Variants in GCNT1 observed in about 807,000 individuals in gnomAD.
The protein encoded by GCNT1 is beta-1,3-galactosyl-O-glycosyl-glycoprotein beta-1,6-N-acetylglucosaminyltransferase.
GCNT1 carries 16 observed loss-of-function variants against 26.2 expected under a neutral mutation model. The observed-to-expected ratio is 0.61, with a 90% CI of 0.41 to 0.93. The LOEUF is 0.93. Ranked by LOEUF, GCNT1 falls within the 40% of genes least tolerant of loss-of-function variation. The probability of loss-of-function intolerance (pLI) is 0.00; values close to 1 mark genes in which losing one functional copy is unlikely to be tolerated. For missense variants in GCNT1, 477 were observed against 526.7 expected (o/e 0.91, Z 0.92); for synonymous variants, 183 against 190.8 (o/e 0.96, Z 0.34).
intron 2 of GCNT1, among the ~76,000 whole-genome samples, chr9:76,467,443 T>C (rs1824026291): frequency 6.6e-6 from 1 of 152,000 alleles, no homozygotes; most frequent in Non-Finnish European, 1.5e-5. Context: ...TCATGTTCCA[T>C]GTCATGGTTC....
At chr9:76,494,241 C>A (rs1027524326) in intron 2 of GCNT1, among the ~76,000 whole-genome samples, 2 of 152,152 alleles carry the variant, frequency 1.3e-5, no homozygotes, top group African/African-American at 2.4e-5. Flanking sequence ...TGCACCCTTG[C>A]GTATTCTCCT....
intron 1 of GCNT1, among the ~76,000 whole-genome samples, chr9:76,443,804 C>A (rs2131582870): frequency 6.6e-6 from 1 of 152,044 alleles, no homozygotes; most frequent in South Asian, 2.1e-4. Flanking sequence ...TCGCTTGAAC[C>A]TGGGAGGCGG....
chr9:76,477,542 C>G (rs1824282548), intron 2 of GCNT1, among the ~76,000 whole-genome samples: 1 of 151,356 alleles, frequency 6.6e-6, no homozygotes, highest in Non-Finnish European at 1.5e-5. Flanking sequence ...AAAAAAGCCT[C>G]TTCCATGTAA....
intron 1 of GCNT1, among the ~76,000 whole-genome samples, chr9:76,433,430 T>G (rs1485708196): frequency 6.6e-6 from 1 of 152,152 alleles, no homozygotes; most frequent in African/African-American, 2.4e-5. Flanking sequence ...GGTTTTGCTG[T>G]TTGTGTGCCA....
intron 1 of GCNT1, among the ~76,000 whole-genome samples, chr9:76,421,481 G>A (rs1823190645): frequency 6.6e-6 from 1 of 151,086 alleles, no homozygotes; most frequent in Admixed American, 6.6e-5. Flanking sequence ...GTGTGTGCCT[G>A]TAGTCCCAGC....
intron 1 of GCNT1, among the ~76,000 whole-genome samples, chr9:76,425,038 C>A (rs914547303): frequency 3.4e-5 from 5 of 148,190 alleles, no homozygotes; most frequent in Non-Finnish European, 7.4e-5. Flanking sequence ...ACTTGGGAGA[C>A]TGAGGCAGGA....
chr9:76,438,480 G>T (rs1257592240), upstream of GCNT1, among the ~76,000 whole-genome samples: 1 of 152,158 alleles, frequency 6.6e-6, no homozygotes, highest in Admixed American at 6.5e-5. Context: ...CAGACTTAAG[G>T]TCTGTGTTGA....
At chr9:76,456,611 C>T (rs73650223), upstream of GCNT1, among the ~76,000 whole-genome samples, 27 of 152,308 alleles carry the variant, frequency 1.8e-4, no homozygotes, top group African/African-American at 6.3e-4. Flanking sequence ...CTGATACACC[C>T]CTAAGCATTC....
chr9:76,451,467 G>A (rs953018242), intron 1 of GCNT1, among the ~76,000 whole-genome samples: 6 of 152,134 alleles, frequency 3.9e-5, no homozygotes, highest in African/African-American at 1.4e-4. Flanking sequence ...CGGTCTCCTG[G>A]GGACTCTGGT....
At chr9:76,425,381 C>G (rs1217592380) in intron 1 of GCNT1, among the ~76,000 whole-genome samples, 5 of 151,832 alleles carry the variant, frequency 3.3e-5, no homozygotes, top group African/African-American at 1.2e-4. Context: ...CGCCAACACG[C>G]CCGTCTAATT....
chr9:76,439,958 G>A (rs561306254), upstream of GCNT1, among the ~76,000 whole-genome samples: 62 of 151,974 alleles, frequency 4.1e-4, no homozygotes, highest in Non-Finnish European at 8.1e-4. Context: ...AAAATTAGCC[G>A]GGCTTGGTGG....
At chr9:76,468,891 AT>A (rs1405573261) in intron 2 of GCNT1, among the ~76,000 whole-genome samples, 1 of 152,232 alleles carries the variant, frequency 6.6e-6, no homozygotes, top group Non-Finnish European at 1.5e-5. Flanking sequence ...TTGCCAAAAA[AT>A]ATTGTACATT....
the GCNT1 span, among the ~76,000 whole-genome samples, chr9:76,408,062 A>G: frequency 6.6e-6 from 1 of 152,212 alleles, no homozygotes; most frequent in African/African-American, 2.4e-5. Context: ...GTAAATGTTC[A>G]GATCATCTGC....
chr9:76,440,536 T>C (rs1823470396), upstream of GCNT1, among the ~76,000 whole-genome samples: 1 of 152,174 alleles, frequency 6.6e-6, no homozygotes, highest in African/African-American at 2.4e-5. Context: ...TTGCAACCTG[T>C]GTGTCCCCCT....
At chr9:76,400,354 C>T in the GCNT1 span, among the ~76,000 whole-genome samples, 1 of 152,182 alleles carries the variant, frequency 6.6e-6, no homozygotes, top group Non-Finnish European at 1.5e-5. Context: ...ATTTTTACCC[C>T]TCCTCCCACT....
the GCNT1 span, among the ~76,000 whole-genome samples, chr9:76,399,738 G>A: frequency 6.6e-6 from 1 of 151,450 alleles, no homozygotes; most frequent in Admixed American, 6.6e-5. Flanking sequence ...ATGAATGGAT[G>A]TTTTATTTCT....
chr9:76,405,288 A>AACACAC, the GCNT1 span, among the ~76,000 whole-genome samples: 8,945 of 149,670 alleles, frequency 0.06, 349 homozygotes, highest in African/African-American at 0.11. Flanking sequence ...CCTGACCTTC[A>AACACAC]ACACACACAC....
intron 1 of GCNT1, among the ~76,000 whole-genome samples, chr9:76,452,543 C>G (rs924732527): frequency 6.6e-6 from 1 of 152,194 alleles, no homozygotes; most frequent in East Asian, 1.9e-4. Context: ...AGGAAACTTA[C>G]AATCATGATG....
upstream of GCNT1, among the ~76,000 whole-genome samples, chr9:76,458,843 ATTG>A (rs1823807953): frequency 6.6e-6 from 1 of 152,238 alleles, no homozygotes; most frequent in East Asian, 1.9e-4. Flanking sequence ...ATTTAATTTT[ATTG>A]TTGTTCTGTA....
Sources: allele counts gnomAD v4.1 joint callset (sites outside exome capture counted in the v4.1 genomes callset), GRCh38; gene constraint gnomAD v4.1.1; transcripts MANE v1.5; gene names NCBI Gene and HGNC (gene_info 2026-07-23, HGNC 2026-07-21).